Variants in DNAH12 observed in about 807,000 individuals in gnomAD.
DNAH12 encodes the protein dynein axonemal heavy chain 12, also known as axonemal beta dynein heavy chain 12.
A neutral mutation model predicts 371.5 loss-of-function variants in DNAH12; 285 were observed. That is an observed-to-expected ratio of 0.77 (90% CI 0.70 to 0.85). The LOEUF is 0.85. Ranked by LOEUF, DNAH12 falls within the 40% of genes least tolerant of loss-of-function variation. The pLI is 0.00. For synonymous variants in DNAH12, 1,200 were observed against 1,213.0 expected, an observed-to-expected ratio of 0.99 and a Z score of 0.22; for missense variants, 3,611 against 3,689.4, an observed-to-expected ratio of 0.98 and a Z score of 0.55.
At chr3:57,388,835 A>G (rs2063549122) in intron 45 of DNAH12, among the ~76,000 whole-genome samples, 1 of 145,946 alleles carries the variant, frequency 6.9e-6, no homozygotes, top group South Asian at 2.3e-4. Flanking sequence ...GTTCTTACTC[A>G]TAGGTGGGAA....
Position 57,489,529 on chromosome 3 carries a change from T to C in DNAH12, c.1494A>G (p.Lys498=), listed in dbSNP as rs1383019371. 1.3e-6 allele frequency: 2 copies of C among 1,515,762 alleles called. No individual in the cohort carries two copies. Among genetic ancestry groups the C allele is most frequent in the Non-Finnish European group, 1.8e-6 (2 of 1,137,506 alleles). 93.9% of individuals were successfully genotyped at this position (1,515,762 alleles called of 1,614,324 possible). The part of the protein sequence containing the change: ...ANILLNDIAS[K]YRKENECICS... ...CTTACCATTCATTTTCTTTTCTATATTTTGAAGCTATGTCATTTAATAATA... is the reference window on the plus strand; with the variant it reads ...CTTACCATTCATTTTCTTTTCTATACTTTGAAGCTATGTCATTTAATAATA... Residue 498 remains lysine, a synonymous_variant, in exon 12 of 74, where the codon AAA becomes AAG. Transcript: ENST00000495027.
Position 57,379,288 on chromosome 3 carries a change from A to G in DNAH12, c.8093T>C (p.Met2698Thr), listed in dbSNP as rs1340067974. The G allele has an allele frequency of 6.6e-6, 1 of 152,192 alleles. No homozygotes were observed. Among genetic ancestry groups the G allele is most frequent in the African/African-American group, 2.4e-5 (1 of 41,450 alleles). The allele number at this position is 152,192 out of a possible 1,614,324, so 9.4% of individuals were successfully genotyped here. ...TAAGTATTCACTACGAATCTTCTGC[A>G]TAACAGTCACCTATACAACAAAGAT... The part of the protein sequence containing the change: ...YDKDNIPVTV[M>T]QKIRSEYLMN... Residue 2698 changes from methionine (M) to threonine (T), a missense_variant, in exon 52 of 74, where the codon ATG (methionine) becomes ACG (threonine). Physicochemically the swap from Met to Thr is moderately conservative, Grantham distance 81. Around this residue, in one of 3 missense-constraint regions of DNAH12, gnomAD observed 2,266 missense variants for 2,236.9 expected, o/e 1.01. Coordinates refer to ENST00000495027, the MANE Select transcript of DNAH12 (RefSeq NM_001366028.2).
intron 11 of DNAH12, among the ~76,000 whole-genome samples, chr3:57,499,647 A>AAAAAAAAAAAAT (rs1451248906): frequency 1.7e-4 from 3 of 17,958 alleles, no homozygotes; most frequent in East Asian, 7.4e-4. Context: ...AAAAAAAAAA[A>AAAAAAAAAAAAT]ATATATATAT....
At position 57,428,823 on chromosome 3, in the gene DNAH12, T is replaced by A; in HGVS notation, c.5065-2A>T. The A allele has an allele frequency of 6.6e-7, 1 of 1,515,360 alleles. No individual in the cohort carries two copies. Among genetic ancestry groups the A allele is most frequent in the Non-Finnish European group, 8.8e-7 (1 of 1,134,372 alleles). The allele number at this position is 1,515,360 out of a possible 1,614,324, so 93.9% of individuals were successfully genotyped here. ...ACCACAACGACTTACAGTGGCAGGC[T>A]AGAGAAAAAAGGCAACTTTTTGCAC... On this transcript the variant is annotated splice_acceptor_variant, in intron 33 of 73. Transcript: ENST00000495027. LOFTEE classifies it high-confidence loss of function.
At chr3:57,516,059 T>TC (rs1288349135) in intron 4 of DNAH12, among the ~76,000 whole-genome samples, 12 of 132,294 alleles carry the variant, frequency 9.1e-5, no homozygotes, top group South Asian at 2.6e-4. Context: ...TAGTCTTTTT[T>TC]TTTTTTTTTT....
chr3:57,434,150 A>C (rs960002509), intron 30 of DNAH12, among the ~76,000 whole-genome samples: 3 of 152,238 alleles, frequency 2.0e-5, no homozygotes, highest in African/African-American at 7.2e-5. Flanking sequence ...TTATATTCCC[A>C]AAGTCTTCAC....
chr3:57,367,320 G>T (rs2063072678), intron 56 of DNAH12, among the ~76,000 whole-genome samples: 1 of 100,414 alleles, frequency 1.0e-5, no homozygotes, highest in East Asian at 2.7e-4. Context: ...GCAAGACTCT[G>T]TCTCAAAATG....
intron 43 of DNAH12, among the ~76,000 whole-genome samples, chr3:57,400,284 T>C (rs2063830585): frequency 6.7e-6 from 1 of 148,908 alleles, no homozygotes; most frequent in Admixed American, 6.7e-5. Context: ...AGACTCTATC[T>C]AAAAAAAAAA....
intron 2 of DNAH12, among the ~76,000 whole-genome samples, chr3:57,533,289 A>G (rs557140749): frequency 8.5e-5 from 13 of 152,246 alleles, no homozygotes; most frequent in South Asian, 6.2e-4. Flanking sequence ...GCCAAGGCCT[A>G]GAATCAGGGA....
chr3:57,489,801 G>T, intron 11 of DNAH12, 114 bp from the exon 12 acceptor site: 3 of 1,105,538 alleles, frequency 2.7e-6, no homozygotes, highest in African/African-American at 1.7e-5. Flanking sequence ...TTTCTTTTTT[G>T]CTAAGTGACT....
chr3:57,309,486 T>C (rs542569056), intron 68 of DNAH12, among the ~76,000 whole-genome samples, 180 bp downstream of exon 68: 3 of 152,326 alleles, frequency 2.0e-5, no homozygotes, highest in Non-Finnish European at 4.4e-5. Context: ...GTCTTTAATG[T>C]TCTCAAAAAA....
intron 25 of DNAH12, among the ~76,000 whole-genome samples, chr3:57,452,325 A>C (rs1284382724): frequency 6.6e-6 from 1 of 152,038 alleles, no homozygotes; most frequent in Admixed American, 6.6e-5. Context: ...CTGAAATTCA[A>C]ATTTACCTGG....
intron 9 of DNAH12, among the ~76,000 whole-genome samples, chr3:57,503,151 G>T (rs983573085): frequency 2.6e-5 from 4 of 152,206 alleles, no homozygotes; most frequent in Non-Finnish European, 5.9e-5. Flanking sequence ...TACTTGGGAA[G>T]CTGAGGCAAG....
At chr3:57,334,340 C>A in intron 62 of DNAH12, 125 bp downstream of exon 62, 1 of 1,056,364 alleles carries the variant, frequency 9.5e-7, no homozygotes, top group Non-Finnish European at 1.3e-6. Context: ...ATCCAAAGAG[C>A]TCAATGAACT....
chr3:57,424,454 G>C (rs2064693677), intron 35 of DNAH12, among the ~76,000 whole-genome samples: 1 of 134,584 alleles, frequency 7.4e-6, no homozygotes, highest in South Asian at 2.4e-4. Context: ...CTGGGCAACA[G>C]GGCAAGATTC....
chr3:57,439,576 G>C (rs1444281050), intron 29 of DNAH12, among the ~76,000 whole-genome samples: 1 of 152,050 alleles, frequency 6.6e-6, no homozygotes, highest in Non-Finnish European at 1.5e-5. Flanking sequence ...ATCTCAAACT[G>C]TAAGAATCCT....
chr3:57,302,590 T>A (rs2061383385), intron 69 of DNAH12, among the ~76,000 whole-genome samples: 1 of 121,034 alleles, frequency 8.3e-6, no homozygotes, highest in Non-Finnish European at 1.7e-5. Flanking sequence ...TTTTTTTTTT[T>A]TTTGAGACAG....
At chr3:57,422,947 G>C (rs1418964229) in intron 35 of DNAH12, among the ~76,000 whole-genome samples, 1 of 152,200 alleles carries the variant, frequency 6.6e-6, no homozygotes, top group Non-Finnish European at 1.5e-5. Context: ...ATGCAAATCA[G>C]TAGACAATGT....
intron 9 of DNAH12, 115 bp from the exon 10 acceptor site, chr3:57,502,594 G>C: frequency 8.9e-7 from 1 of 1,124,078 alleles, no homozygotes; most frequent in Non-Finnish European, 1.2e-6. Context: ...CTATCACCCA[G>C]GTTGGAGCGC....
Sources: allele counts gnomAD v4.1 joint callset (sites outside exome capture counted in the v4.1 genomes callset), GRCh38; gene constraint gnomAD v4.1.1; regional missense constraint gnomAD v4.1.1; transcripts MANE v1.5; gene names NCBI Gene and HGNC (gene_info 2026-07-23, HGNC 2026-07-21).